RALYL: variants seen among roughly 807,000 people sequenced by gnomAD.
The protein encoded by RALYL is RALY RNA binding protein like.
A neutral mutation model predicts 35.1 loss-of-function variants in RALYL; 29 were observed. The observed-to-expected ratio is 0.83, with a 90% CI of 0.61 to 1.13. RALYL has a LOEUF of 1.13. RALYL is among the 50% of genes most tolerant of loss of function. RALYL has a pLI of 0.00. For missense variants in RALYL, 359 were observed against 360.4 expected, an observed-to-expected ratio of 1.00 and a Z score of 0.03; for synonymous variants, 120 against 127.6, an observed-to-expected ratio of 0.94 and a Z score of 0.40.
At chr8:84,311,424 C>G (rs80221557) in intron 1 of RALYL, among the ~76,000 whole-genome samples, 4,116 of 151,946 alleles carry the variant, frequency 0.027, 102 homozygotes, top group Non-Finnish European at 0.031. Flanking sequence ...AATAATTCAG[C>G]AAATTAATAA....
intron 1 of RALYL, among the ~76,000 whole-genome samples, chr8:84,446,526 G>A (rs1345538567): frequency 6.6e-6 from 1 of 151,998 alleles, no homozygotes; most frequent in Non-Finnish European, 1.5e-5. Flanking sequence ...ATGGGATTGG[G>A]CAAGTCATGT....
intron 2 of RALYL, among the ~76,000 whole-genome samples, chr8:84,645,567 T>C (rs1270654777): frequency 6.6e-6 from 1 of 152,088 alleles, no homozygotes; most frequent in East Asian, 1.9e-4. Context: ...ATATATTATG[T>C]TTACATATTA....
rs557885521 is a variant in RALYL, at chr8:84,700,429, A to T, written c.257-74150A>T. Among the ~76,000 whole-genome samples the T allele has an allele frequency of 3.3e-5, 5 of 152,308 alleles. No individual in the cohort carries two copies. In the South Asian group the frequency reaches 1.0e-3, roughly 32 times the overall value. On this transcript the variant is annotated intron_variant, in intron 2 of 8. Coordinates refer to ENST00000521268, the MANE Select transcript of RALYL (RefSeq NM_173848.7). Reference sequence around the variant, plus strand: ...AATAAAACCCAATTATAGTTTAAAAAAAATGAAAGTCTCTTCCAGATACAT... The same window carrying T: ...AATAAAACCCAATTATAGTTTAAAATAAATGAAAGTCTCTTCCAGATACAT...
intron 1 of RALYL, among the ~76,000 whole-genome samples, chr8:84,330,510 G>A (rs1450744921): frequency 1.3e-5 from 2 of 152,070 alleles, no homozygotes; most frequent in Non-Finnish European, 2.9e-5. Context: ...GCAAAATGCT[G>A]TAGGATACAC....
intron 2 of RALYL, among the ~76,000 whole-genome samples, chr8:84,652,805 C>T (rs891678159): frequency 6.6e-6 from 1 of 151,922 alleles, no homozygotes; most frequent in Non-Finnish European, 1.5e-5. Flanking sequence ...CTGATTGTTG[C>T]CTATCCGGCT....
intron 4 of RALYL, among the ~76,000 whole-genome samples, chr8:84,832,832 A>G (rs886066974): frequency 6.6e-6 from 1 of 152,204 alleles, no homozygotes; most frequent in Non-Finnish European, 1.5e-5. Context: ...TACAACATAC[A>G]ATGTTGTGTC....
chr8:84,222,978 A>G (rs954970691), intron 1 of RALYL, among the ~76,000 whole-genome samples: 1 of 152,134 alleles, frequency 6.6e-6, no homozygotes, highest in Non-Finnish European at 1.5e-5. Flanking sequence ...TAATTTCTCC[A>G]TTTAGAGAAT....
chr8:84,864,417 A>T (rs1052044696), intron 6 of RALYL, among the ~76,000 whole-genome samples: 2 of 152,316 alleles, frequency 1.3e-5, no homozygotes, highest in Non-Finnish European at 2.9e-5. Flanking sequence ...TATGGGATAA[A>T]AAGATTTTGT....
In RALYL at chr8:84,651,718, C is replaced by T. The variant is rs571781878; in HGVS notation, c.256+122141C>T. On this transcript the variant is annotated intron_variant, in intron 2 of 8. Coordinates refer to ENST00000521268, the MANE Select transcript of RALYL (RefSeq NM_173848.7). ...CATAAAACGTGTTATATGAAAAAAA[C>T]TTAAGAGAAATAGACTTTTGAGAGA... is the stretch of plus-strand genomic sequence containing the variant. Among the ~76,000 whole-genome samples, 22 of 151,696 alleles carry T rather than the reference C, an allele frequency of 1.5e-4. 1 individual carries two copies. The highest frequency in any genetic ancestry group is 5.3e-4 in the African/African-American group (22 of 41,352).
chr8:84,249,811 G>A (rs1491559), intron 1 of RALYL, among the ~76,000 whole-genome samples: 4,129 of 151,048 alleles, frequency 0.027, 69 homozygotes, highest in African/African-American at 0.034. Context: ...AATTACCAGG[G>A]AGAGAAAATA....
At chr8:84,578,941 G>A (rs553536315) in intron 2 of RALYL, among the ~76,000 whole-genome samples, 27 of 152,310 alleles carry the variant, frequency 1.8e-4, no homozygotes, top group South Asian at 1.0e-3. Context: ...CAGACTCCAC[G>A]TAGAACTGAT....
At chr8:84,813,096 C>A (rs2134123097) in intron 4 of RALYL, among the ~76,000 whole-genome samples, 1 of 152,328 alleles carries the variant, frequency 6.6e-6, no homozygotes, top group African/African-American at 2.4e-5. Flanking sequence ...TTTCCCACTG[C>A]TTCCTCTATC....
At chr8:84,516,732 T>C (rs910956631) in intron 1 of RALYL, among the ~76,000 whole-genome samples, 1 of 152,168 alleles carries the variant, frequency 6.6e-6, no homozygotes, top group Admixed American at 6.5e-5. Context: ...CAAGAGGGTA[T>C]CTGTCTCTGT....
intron 2 of RALYL, among the ~76,000 whole-genome samples, chr8:84,603,187 G>T (rs1243437649): frequency 6.6e-6 from 1 of 152,064 alleles, no homozygotes; most frequent in African/African-American, 2.4e-5. Context: ...GATCAGGCCA[G>T]TGGGGTAGGA....
chr8:84,651,612 A>G (rs1828846911), intron 2 of RALYL, among the ~76,000 whole-genome samples: 1 of 152,088 alleles, frequency 6.6e-6, no homozygotes, highest in South Asian at 2.1e-4. Context: ...GTAACAGAAT[A>G]CATAAATATG....
At chr8:84,318,454 C>T (rs1844176523) in intron 1 of RALYL, among the ~76,000 whole-genome samples, 1 of 152,222 alleles carries the variant, frequency 6.6e-6, no homozygotes, top group South Asian at 2.1e-4. Flanking sequence ...TACCACTAGA[C>T]ATTTGCAAAT....
intron 1 of RALYL, among the ~76,000 whole-genome samples, chr8:84,404,548 T>G (rs967841827): frequency 6.6e-6 from 1 of 152,188 alleles, no homozygotes; most frequent in African/African-American, 2.4e-5. Context: ...ATAAGCTTTT[T>G]GATGTGCTGC....
chr8:84,306,990 G>C (rs550184879), intron 1 of RALYL, among the ~76,000 whole-genome samples: 1 of 152,002 alleles, frequency 6.6e-6, no homozygotes, highest in Non-Finnish European at 1.5e-5. Context: ...GAGTGGATGT[G>C]GGGGGAATGA....
intron 1 of RALYL, among the ~76,000 whole-genome samples, chr8:84,264,637 G>C (rs923494867): frequency 1.3e-5 from 2 of 151,836 alleles, no homozygotes; most frequent in Non-Finnish European, 2.9e-5. Flanking sequence ...CTTAGTAATT[G>C]ATCAGTCATA....
Sources: gnomAD v4.1 joint callset for allele counts (sites outside exome capture counted in the v4.1 genomes callset) on GRCh38, gnomAD v4.1.1 for gene constraint, MANE v1.5 for transcripts, NCBI Gene and HGNC (gene_info 2026-07-23, HGNC 2026-07-21) for gene names.